Variants in LRRK2 observed in about 807,000 individuals in gnomAD.
LRRK2 encodes the protein leucine rich repeat kinase 2.
In LRRK2, 203 loss-of-function variants were observed where a neutral mutation model predicts 302.6. The observed-to-expected ratio is 0.67, with a 90% confidence interval of 0.60 to 0.75. The LOEUF (loss-of-function observed/expected upper bound fraction) is 0.75. Ranked by LOEUF, LRRK2 falls within the 30% of genes least tolerant of loss-of-function variation. The pLI is 0.00. For missense variants in LRRK2, 2,830 were observed against 2,951.0 expected (o/e 0.96, Z 0.95); for synonymous variants, 1,066 against 1,031.9 (o/e 1.03, Z -0.63).
intron 18 of LRRK2, among the ~76,000 whole-genome samples, chr12:40,283,648 A>C (rs1943798406): frequency 6.6e-6 from 1 of 152,200 alleles, no homozygotes; most frequent in Non-Finnish European, 1.5e-5. Flanking sequence ...TGTCTCTTTC[A>C]TAATAACTGA....
chr12:40,225,519 G>T (rs777012150), intron 1 of LRRK2, 36 bp from the exon 2 acceptor site: 3 of 1,561,568 alleles, frequency 1.9e-6, no homozygotes, highest in South Asian at 1.1e-5. Context: ...TGTGGATTGT[G>T]ACTTTGCTTC....
chr12:40,291,745 A>T (rs1243911473), intron 20 of LRRK2, among the ~76,000 whole-genome samples: 2 of 151,736 alleles, frequency 1.3e-5, no homozygotes, highest in African/African-American at 4.8e-5. Flanking sequence ...GGATTTCTCA[A>T]GTTTTCTGTG....
At chr12:40,302,750 A>C (rs758541875) in intron 25 of LRRK2, 39 bp from the exon 26 acceptor site, 10 of 1,346,382 alleles carry the variant, frequency 7.4e-6, no homozygotes, top group Non-Finnish European at 9.6e-6. Context: ...AAATCTGGTT[A>C]AAATGATTAA....
Position 40,283,054 on chromosome 12 carries a change from A to T in LRRK2, c.2242-821A>T, listed in dbSNP as rs567262329. Among the ~76,000 whole-genome samples the T allele has an allele frequency of 3.9e-5, 6 of 152,148 alleles. No homozygotes were observed. In the South Asian group the frequency reaches 1.0e-3, roughly 26 times the overall value. ...GGCATAGGATTTTTTTAAAAAAAAG[A>T]TTAGAAATCATGTGTGTACAGAATT... On this transcript the variant is annotated intron_variant, in intron 18 of 50. Transcript: ENST00000298910.
At chr12:40,337,770 A>G (rs1299402678) in intron 40 of LRRK2, among the ~76,000 whole-genome samples, 1 of 152,214 alleles carries the variant, frequency 6.6e-6, no homozygotes, top group Admixed American at 6.6e-5. Context: ...CATAGCATCA[A>G]AGATCTTTCT....
In LRRK2 at chr12:40,299,130, C is replaced by T. The variant is rs1592249453; in HGVS notation, c.3369C>T (p.Cys1123=). 2 of 1,612,732 alleles carry T rather than the reference C, an allele frequency of 1.2e-6. No individual in the cohort carries two copies. Among genetic ancestry groups the T allele is most frequent in the Non-Finnish European group, 1.7e-6 (2 of 1,179,346 alleles). ...ILEGNKISGI[C]SPLRLKELKI... Reference sequence around the variant, plus strand: ...CTAGAAATAAAATATCAGGGATATGCTCCCCCTTGAGACTGAAGGAACTGA... The same window carrying T: ...CTAGAAATAAAATATCAGGGATATGTTCCCCCTTGAGACTGAAGGAACTGA... Residue 1123 remains cysteine, a synonymous_variant, in exon 25 of 51, where the codon TGC becomes TGT. Transcript: ENST00000298910.
intron 13 of LRRK2, 39 bp from the exon 14 acceptor site, chr12:40,263,750 A>G: frequency 7.0e-6 from 10 of 1,428,348 alleles, no homozygotes; most frequent in Non-Finnish European, 9.9e-6. Flanking sequence ...AAATGTTTAT[A>G]AGAAAATTCT....
intron 39 of LRRK2, among the ~76,000 whole-genome samples, chr12:40,331,593 A>G (rs1592299254): frequency 1.2e-5 from 1 of 84,986 alleles, no homozygotes; most frequent in East Asian, 2.6e-4. Context: ...GCTTAAAAAA[A>G]TTACAAAAAA....
intron 50 of LRRK2, 106 bp from the exon 51 acceptor site, chr12:40,367,538 T>G: frequency 9.3e-7 from 1 of 1,071,000 alleles, no homozygotes. Flanking sequence ...GTGTTTATAT[T>G]TACATTTATC....
intron 14 of LRRK2, among the ~76,000 whole-genome samples, chr12:40,264,307 G>C (rs1443884857): frequency 1.3e-5 from 2 of 152,114 alleles, no homozygotes; most frequent in Non-Finnish European, 2.9e-5. Context: ...TTTAGCCCAT[G>C]AAGACATACC....
chr12:40,242,662 T>A (rs947245604), intron 6 of LRRK2, among the ~76,000 whole-genome samples: 1 of 151,758 alleles, frequency 6.6e-6, no homozygotes, highest in Non-Finnish European at 1.5e-5. Context: ...CTTGATTTTC[T>A]TTCTTTTGGT....
chr12:40,238,653 C>G (rs1592143963), intron 5 of LRRK2, among the ~76,000 whole-genome samples: 1 of 152,154 alleles, frequency 6.6e-6, no homozygotes, highest in African/African-American at 2.4e-5. Context: ...AAGTGAGCAT[C>G]CTGCCTGAGG....
At chr12:40,276,874 C>G (rs11175836) in intron 16 of LRRK2, among the ~76,000 whole-genome samples, 2 of 152,026 alleles carry the variant, frequency 1.3e-5, no homozygotes, top group South Asian at 4.2e-4. Context: ...ACTCTATGGC[C>G]CAGGCTAGAG....
rs140523084 is a variant in LRRK2, at chr12:40,230,769, A to G, written c.238-1505A>G. ...AGAGAGGGAGGAGTCTACAGTAGGAAGAATAGGTTAATTTTCATCTCCGGT... is the reference window on the plus strand; with the variant it reads ...AGAGAGGGAGGAGTCTACAGTAGGAGGAATAGGTTAATTTTCATCTCCGGT... On this transcript the variant is annotated intron_variant, in intron 2 of 50. Transcript: ENST00000298910. 1.4e-3 allele frequency among the ~76,000 whole-genome samples: 218 copies of G among 152,002 alleles called. 2 individuals are homozygous for G. Among genetic ancestry groups the G allele is most frequent in the African/African-American group, 4.4e-3 (182 of 41,470 alleles).
chr12:40,328,392 G>A lies in LRRK2; in HGVS notation c.5689G>A (p.Ala1897Thr), dbSNP rs767228981. 2 of 1,613,718 alleles carry A rather than the reference G, an allele frequency of 1.2e-6. No individual in the cohort carries two copies. The highest frequency in any genetic ancestry group is 1.3e-5 in the African/African-American group (1 of 75,024). Residue 1897 changes from alanine to threonine, a missense_variant, in exon 39 of 51, where the codon GCC (alanine) becomes ACC (threonine). By Grantham distance (58) the Ala-to-Thr change is moderately conservative (BLOSUM62 0). Around this residue, in one of 3 missense-constraint regions of LRRK2, gnomAD observed 253 missense variants for 346.7 expected, o/e 0.73. Transcript: ENST00000298910. ...CAGTTTTGGATCAGTTTACCGAGCAGCCTATGAAGGAGAAGAAGTGGCTGT... is the reference window on the plus strand; with the variant it reads ...CAGTTTTGGATCAGTTTACCGAGCAACCTATGAAGGAGAAGAAGTGGCTGT... ...DGSFGSVYRA[A>T]YEGEEVAVKI...
intron 23 of LRRK2, among the ~76,000 whole-genome samples, chr12:40,295,906 T>A (rs1015096107): frequency 4.6e-5 from 7 of 152,174 alleles, no homozygotes; most frequent in African/African-American, 1.7e-4. Context: ...CTGTCAAGTG[T>A]ATATTGATTA....
intron 44 of LRRK2, among the ~76,000 whole-genome samples, chr12:40,353,802 C>T (rs967339284): frequency 1.4e-4 from 21 of 152,208 alleles, no homozygotes; most frequent in Non-Finnish European, 2.2e-4. Flanking sequence ...GCCAACACAG[C>T]GAAACCCCGT....
At chr12:40,241,858 T>G (rs1941736682) in intron 6 of LRRK2, among the ~76,000 whole-genome samples, 1 of 152,184 alleles carries the variant, frequency 6.6e-6, no homozygotes, top group Non-Finnish European at 1.5e-5. Context: ...TGTTTTCTTA[T>G]CCACAGGAAA....
Position 40,244,106 on chromosome 12 carries a change from G to T in LRRK2, c.838+425G>T, listed in dbSNP as rs149230663. Among the ~76,000 whole-genome samples, 3 of 152,160 alleles carry T rather than the reference G, an allele frequency of 2.0e-5. No individual in the cohort carries two copies. In the East Asian group the frequency reaches 5.8e-4, roughly 29 times the overall value. On this transcript the variant is annotated intron_variant, in intron 7 of 50. Transcript: ENST00000298910. The stretch of plus-strand genomic sequence containing the variant: ...ACTTAAATGTTGTATATTCCCAGTG[G>T]GGGAAGCTACCCTGGGCTTCTTCCT...
Sources: gnomAD v4.1 joint callset for allele counts (sites outside exome capture counted in the v4.1 genomes callset) on GRCh38, gnomAD v4.1.1 for gene constraint, gnomAD v4.1.1 regional missense constraint, MANE v1.5 for transcripts, NCBI Gene and HGNC (gene_info 2026-07-23, HGNC 2026-07-21) for gene names.